RBPMS: variants seen among roughly 807,000 people sequenced by gnomAD.
RBPMS encodes RNA binding protein, mRNA processing factor.
In RBPMS, 7 loss-of-function variants were observed where a neutral mutation model predicts 26.8. The observed-to-expected ratio is 0.26, with a 90% CI of 0.15 to 0.49. RBPMS has a LOEUF of 0.49. Ranked by LOEUF, RBPMS falls within the 20% of genes least tolerant of loss-of-function variation. The probability of loss-of-function intolerance (pLI) is 0.98; values close to 1 mark genes in which losing one functional copy is unlikely to be tolerated. For synonymous variants in RBPMS, 96 were observed against 93.3 expected (o/e 1.03, Z -0.17); for missense variants, 186 against 250.0 (o/e 0.74, Z 1.73).
intron 5 of RBPMS, among the ~76,000 whole-genome samples, chr8:30,518,651 C>CAGGAGGAA (rs1423793455): frequency 7.2e-6 from 1 of 138,410 alleles, no homozygotes; most frequent in Non-Finnish European, 1.5e-5. Flanking sequence ...TGGTCTTGAA[C>CAGGAGGAA]TCCTGACCTC....
chr8:30,430,323 C>G (rs1043590913), intron 1 of RBPMS, among the ~76,000 whole-genome samples: 1 of 152,070 alleles, frequency 6.6e-6, no homozygotes, highest in Non-Finnish European at 1.5e-5. Context: ...TACTTTATAC[C>G]CATAGTATCT....
chr8:30,435,041 C>CATCT (rs1235997104), intron 1 of RBPMS, among the ~76,000 whole-genome samples: 4 of 151,604 alleles, frequency 2.6e-5, no homozygotes, highest in Non-Finnish European at 5.9e-5. Context: ...TCCATCCATC[C>CATCT]GATCCAAATG....
intron 4 of RBPMS, among the ~76,000 whole-genome samples, chr8:30,501,365 TC>T (rs1776728189): frequency 6.6e-6 from 1 of 150,864 alleles, no homozygotes; most frequent in Admixed American, 6.6e-5. Context: ...CTTCATCACT[TC>T]CTCTGGTGCC....
At chr8:30,454,558 C>T (rs147053163) in intron 1 of RBPMS, among the ~76,000 whole-genome samples, 1 of 152,186 alleles carries the variant, frequency 6.6e-6, no homozygotes, top group South Asian at 2.1e-4. Flanking sequence ...ATTATGCATT[C>T]TTTTCCTTAT....
At chr8:30,486,297 A>G (rs1818758395) in intron 4 of RBPMS, among the ~76,000 whole-genome samples, 1 of 151,876 alleles carries the variant, frequency 6.6e-6, no homozygotes, top group Middle Eastern at 3.2e-3. Context: ...CCAAGATCGC[A>G]CCACTGCATT....
At chr8:30,542,102 G>A (rs1229939293) in intron 5 of RBPMS, among the ~76,000 whole-genome samples, 1 of 152,216 alleles carries the variant, frequency 6.6e-6, no homozygotes, top group African/African-American at 2.4e-5. Context: ...GATTTATCAA[G>A]TGTAAGTTCA....
intron 4 of RBPMS, among the ~76,000 whole-genome samples, chr8:30,485,448 A>G (rs1206267289): frequency 6.6e-6 from 1 of 152,142 alleles, no homozygotes; most frequent in Non-Finnish European, 1.5e-5. Flanking sequence ...GGACTTTTAG[A>G]TGGGAAATAT....
intron 6 of RBPMS, among the ~76,000 whole-genome samples, chr8:30,553,976 C>T (rs1826614371): frequency 6.6e-6 from 1 of 152,106 alleles, no homozygotes; most frequent in South Asian, 2.1e-4. Flanking sequence ...TGGGGTTTCA[C>T]CATAATAGCC....
At chr8:30,552,315 T>A (rs1826457121) in intron 6 of RBPMS, 1 of 152,192 alleles carries the variant, frequency 6.6e-6, no homozygotes, top group African/African-American at 2.4e-5. Flanking sequence ...ACTTTGGAAT[T>A]ATAAAATGTA....
At chr8:30,440,407 T>A (rs1345751562) in intron 1 of RBPMS, among the ~76,000 whole-genome samples, 5 of 152,242 alleles carry the variant, frequency 3.3e-5, no homozygotes, top group Non-Finnish European at 7.3e-5. Flanking sequence ...TTTCTATGGA[T>A]TTGACTAGTT....
intron 2 of RBPMS, among the ~76,000 whole-genome samples, chr8:30,477,075 G>C (rs1193274310): frequency 3.3e-5 from 5 of 152,086 alleles, no homozygotes; most frequent in African/African-American, 1.2e-4. Flanking sequence ...ATTTTTTTGA[G>C]ACGGAGTCTG....
At chr8:30,515,279 T>C (rs538895260) in intron 5 of RBPMS, among the ~76,000 whole-genome samples, 1 of 152,310 alleles carries the variant, frequency 6.6e-6, no homozygotes, top group East Asian at 1.9e-4. Flanking sequence ...GCCAGGACAA[T>C]GGATTTTAAT....
intron 8 of RBPMS, among the ~76,000 whole-genome samples, chr8:30,567,163 T>C (rs1411324530): frequency 6.6e-6 from 1 of 152,082 alleles, no homozygotes; most frequent in Non-Finnish European, 1.5e-5. Flanking sequence ...GAGGGGCCTA[T>C]GAAAAAAGAG....
At chr8:30,547,274 A>T in intron 6 of RBPMS, 1 of 1,459,066 alleles carries the variant, frequency 6.9e-7, no homozygotes, top group Non-Finnish European at 9.4e-7. Flanking sequence ...TGAGACATGG[A>T]TTTTTTTTTT....
intron 1 of RBPMS, among the ~76,000 whole-genome samples, chr8:30,390,921 A>AG (rs1325639305): frequency 6.6e-6 from 1 of 152,178 alleles, no homozygotes; most frequent in African/African-American, 2.4e-5. Flanking sequence ...GGTGATTATG[A>AG]GTTTGTACAG....
intron 1 of RBPMS, among the ~76,000 whole-genome samples, chr8:30,474,040 T>C (rs1169927304): frequency 1.3e-5 from 2 of 152,108 alleles, no homozygotes; most frequent in African/African-American, 4.8e-5. Flanking sequence ...TGGTATGTGT[T>C]TACCTTTGTA....
chr8:30,549,647 A>G, intron 6 of RBPMS: 3 of 1,289,820 alleles, frequency 2.3e-6, no homozygotes, highest in Non-Finnish European at 3.4e-6. Context: ...CGGGGAGGCC[A>G]GGCCTCATGC....
At chr8:30,504,639 G>A (rs925259800) in intron 5 of RBPMS, among the ~76,000 whole-genome samples, 2 of 152,116 alleles carry the variant, frequency 1.3e-5, no homozygotes, top group African/African-American at 4.8e-5. Flanking sequence ...GGTTCAGCTT[G>A]AATAGAACCA....
intron 1 of RBPMS, among the ~76,000 whole-genome samples, chr8:30,386,811 A>G (rs1389498697): frequency 2.6e-5 from 4 of 152,212 alleles, no homozygotes; most frequent in African/African-American, 9.6e-5. Context: ...TCAGGGTTAG[A>G]ATATTATATG....
Sources: allele counts gnomAD v4.1 joint callset (sites outside exome capture counted in the v4.1 genomes callset), GRCh38; gene constraint gnomAD v4.1.1; transcripts MANE v1.5; gene names NCBI Gene and HGNC (gene_info 2026-07-23, HGNC 2026-07-21).